Variants in RPS6KC1 observed in about 807,000 individuals in gnomAD.
The protein encoded by RPS6KC1 is inactive ribosomal protein S6 kinase delta-1.
A neutral mutation model predicts 103.8 loss-of-function variants in RPS6KC1; 54 were observed. That is an observed-to-expected ratio of 0.52 (90% CI 0.42 to 0.65). RPS6KC1 has a LOEUF of 0.65. Among genes scored for constraint, RPS6KC1 ranks in the 30% least tolerant of loss-of-function variants. RPS6KC1 has a pLI of 0.00. For synonymous variants in RPS6KC1, 439 were observed against 438.7 expected (o/e 1.00, Z -0.01); for missense variants, 1,151 against 1,253.8 (o/e 0.92, Z 1.24).
At chr1:213,082,451 A>C (rs57093283) in intron 3 of RPS6KC1, among the ~76,000 whole-genome samples, 5,186 of 152,138 alleles carry the variant, frequency 0.034, 119 homozygotes, top group Middle Eastern at 0.054. Context: ...ATAATAAAAA[A>C]AAGTAGTGAT....
At chr1:213,428,194 A>T in the RPS6KC1 span, among the ~76,000 whole-genome samples, 1 of 152,160 alleles carries the variant, frequency 6.6e-6, no homozygotes, top group Admixed American at 6.5e-5. Flanking sequence ...ACCAAGTTAT[A>T]TGAGAGAGTC....
the RPS6KC1 span, among the ~76,000 whole-genome samples, chr1:213,292,308 T>C: frequency 6.6e-6 from 1 of 152,034 alleles, no homozygotes; most frequent in Non-Finnish European, 1.5e-5. Flanking sequence ...CATGTTGACA[T>C]TGGAAAGATC....
At chr1:213,175,674 A>G (rs139408282) in intron 7 of RPS6KC1, among the ~76,000 whole-genome samples, 191 of 152,128 alleles carry the variant, frequency 1.3e-3, no homozygotes, top group South Asian at 2.9e-3. Flanking sequence ...CTTCCTTCCT[A>G]TGTTCACTGA....
the RPS6KC1 span, among the ~76,000 whole-genome samples, chr1:213,847,089 C>A: frequency 6.6e-6 from 1 of 152,130 alleles, no homozygotes; most frequent in South Asian, 2.1e-4. Flanking sequence ...TGCATTCTAA[C>A]AGTTGGCCTC....
chr1:213,211,385 G>C (rs1037424664), intron 8 of RPS6KC1, among the ~76,000 whole-genome samples: 3 of 152,188 alleles, frequency 2.0e-5, no homozygotes, highest in African/African-American at 7.2e-5. Context: ...AATGACAAAG[G>C]TGTGGAGAGA....
the RPS6KC1 span, among the ~76,000 whole-genome samples, chr1:213,288,898 CTT>C: frequency 6.6e-6 from 1 of 152,150 alleles, no homozygotes; most frequent in Admixed American, 6.5e-5. Context: ...TCCACCCTTC[CTT>C]TAATGCTGTA....
the RPS6KC1 span, among the ~76,000 whole-genome samples, chr1:213,363,691 T>G: frequency 4.5e-3 from 326 of 72,638 alleles, 29 homozygotes; most frequent in Middle Eastern, 0.03. Flanking sequence ...TCTTTCTTTC[T>G]TTCTTTCTTT....
At chr1:213,650,950 G>C in the RPS6KC1 span, among the ~76,000 whole-genome samples, 1 of 150,470 alleles carries the variant, frequency 6.6e-6, no homozygotes, top group Non-Finnish European at 1.5e-5. Flanking sequence ...AAAAAAAGAG[G>C]GGAGAGGGGG....
chr1:213,125,806 A>G (rs1466574805), intron 5 of RPS6KC1: 1 of 152,028 alleles, frequency 6.6e-6, no homozygotes, highest in Non-Finnish European at 1.5e-5. Context: ...ATCTCATTTA[A>G]TCATGATTCT....
intron 2 of RPS6KC1, among the ~76,000 whole-genome samples, chr1:213,076,117 T>G (rs1336007219): frequency 2.0e-5 from 3 of 152,230 alleles, no homozygotes; most frequent in Admixed American, 6.5e-5. Flanking sequence ...TGATGCTTAG[T>G]GGAAAGTAGG....
the RPS6KC1 span, among the ~76,000 whole-genome samples, chr1:213,668,886 C>T: frequency 2.0e-5 from 3 of 152,308 alleles, no homozygotes; most frequent in Admixed American, 6.5e-5. Flanking sequence ...ATGAACCAAC[C>T]TCTGCTGGCT....
At chr1:213,545,280 A>G in the RPS6KC1 span, among the ~76,000 whole-genome samples, 1 of 151,852 alleles carries the variant, frequency 6.6e-6, no homozygotes, top group East Asian at 1.9e-4. Flanking sequence ...CTGAGGCAGG[A>G]GAATCGCTTG....
At chr1:213,624,148 T>C in the RPS6KC1 span, among the ~76,000 whole-genome samples, 1 of 152,066 alleles carries the variant, frequency 6.6e-6, no homozygotes, top group Non-Finnish European at 1.5e-5. Context: ...TGCTGAGAGG[T>C]GACCACTGAG....
At chr1:213,622,235 C>CTTTT in the RPS6KC1 span, among the ~76,000 whole-genome samples, 7,267 of 144,836 alleles carry the variant, frequency 0.05, 235 homozygotes, top group African/African-American at 0.066. Flanking sequence ...CAAGTAATGT[C>CTTTT]TTTTTTTTTT....
At chr1:213,750,405 T>G in the RPS6KC1 span, among the ~76,000 whole-genome samples, 1 of 152,242 alleles carries the variant, frequency 6.6e-6, no homozygotes, top group Non-Finnish European at 1.5e-5. Flanking sequence ...GATAGACATC[T>G]TTATCTCTGT....
At chr1:213,059,600 G>A (rs573490915) in intron 1 of RPS6KC1, among the ~76,000 whole-genome samples, 47 of 152,180 alleles carry the variant, frequency 3.1e-4, no homozygotes, top group East Asian at 9.6e-4. Flanking sequence ...TGCAGCCTCC[G>A]CCTTCCGGGT....
the RPS6KC1 span, among the ~76,000 whole-genome samples, chr1:213,760,227 CA>C: frequency 6.6e-6 from 1 of 152,242 alleles, no homozygotes. Context: ...ATAAATAACT[CA>C]GGAAGAAATC....
the RPS6KC1 span, among the ~76,000 whole-genome samples, chr1:213,790,470 T>A: frequency 2.5e-3 from 380 of 152,234 alleles, 1 homozygote; most frequent in African/African-American, 8.8e-3. Flanking sequence ...ACTATGGTAT[T>A]TTGTGTGCAA....
At chr1:213,588,122 C>T in the RPS6KC1 span, among the ~76,000 whole-genome samples, 1 of 152,028 alleles carries the variant, frequency 6.6e-6, no homozygotes, top group African/African-American at 2.4e-5. Flanking sequence ...CTCACCCAGA[C>T]TGGAGTACGG....
Sources: gnomAD v4.1 joint callset for allele counts (sites outside exome capture counted in the v4.1 genomes callset) on GRCh38, gnomAD v4.1.1 for gene constraint, MANE v1.5 for transcripts, NCBI Gene and HGNC (gene_info 2026-07-23, HGNC 2026-07-21) for gene names.